Variants in ADAMTSL1 observed in about 807,000 individuals in gnomAD.
ADAMTSL1 encodes ADAMTS-like protein 1.
In ADAMTSL1, 126 loss-of-function variants were observed where a neutral mutation model predicts 201.8. The ratio of observed to expected loss-of-function variants is 0.62; its 90% confidence interval spans 0.54 to 0.72. ADAMTSL1 has a LOEUF of 0.72. ADAMTSL1 is among the 30% of genes least tolerant of loss of function. ADAMTSL1 has a pLI of 0.00. For missense variants in ADAMTSL1, 2,679 were observed against 2,277.8 expected, an observed-to-expected ratio of 1.18 and a Z score of -3.59; for synonymous variants, 1,121 against 903.4, an observed-to-expected ratio of 1.24 and a Z score of -4.32.
At chr9:18,154,901 A>G (rs1182159419) in intron 1 of ADAMTSL1, among the ~76,000 whole-genome samples, 2 of 152,196 alleles carry the variant, frequency 1.3e-5, no homozygotes, top group Non-Finnish European at 2.9e-5. Context: ...AGTTACATAT[A>G]CAATTTAAAT....
intron 13 of ADAMTSL1, among the ~76,000 whole-genome samples, chr9:18,692,758 G>A (rs566126780): frequency 2.7e-4 from 41 of 152,324 alleles, no homozygotes; most frequent in African/African-American, 9.6e-4. Flanking sequence ...CAGGGAAAAT[G>A]TTATGCATTT....
At chr9:18,361,221 A>AT (rs1214951287) in intron 2 of ADAMTSL1, among the ~76,000 whole-genome samples, 12 of 152,172 alleles carry the variant, frequency 7.9e-5, no homozygotes, top group Non-Finnish European at 1.2e-4. Context: ...CAATAAGTGT[A>AT]TTTTTCGATT....
Position 18,777,854 on chromosome 9 carries a change from A to T in ADAMTSL1, c.3625A>T (p.Arg1209Trp). 1 of 1,587,640 alleles carries T rather than the reference A, an allele frequency of 6.3e-7. No homozygotes were observed. The highest frequency in any genetic ancestry group is 1.7e-5 in the Admixed American group (1 of 58,020). Reference protein sequence around the residue: ...LLHCEAIGHPRPTISWARNGE... With the variant: ...LLHCEAIGHPWPTISWARNGE... ...GCACTGTGAGGCCATCGGCCACCCA[A>T]GGCCTACCATCAGCTGGGCCAGGAA... Residue 1209 changes from arginine to tryptophan, a missense_variant, in exon 19 of 29, where the codon AGG (arginine) becomes TGG (tryptophan). Arg to Trp is a moderately radical substitution (Grantham distance 101). Transcript: ENST00000380548.
chr9:17,999,850 C>T (rs1474341646), intron 1 of ADAMTSL1, among the ~76,000 whole-genome samples: 6 of 149,462 alleles, frequency 4.0e-5, no homozygotes, highest in Admixed American at 6.7e-5. Flanking sequence ...TGAGAATATG[C>T]GGTGTTTGGT....
intron 1 of ADAMTSL1, among the ~76,000 whole-genome samples, chr9:17,940,320 G>A (rs1433872687): frequency 6.6e-6 from 1 of 152,098 alleles, no homozygotes; most frequent in African/African-American, 2.4e-5. Context: ...AAAGATCCAG[G>A]AGAGAGATAA....
At chr9:18,262,007 A>G (rs926300476) in intron 2 of ADAMTSL1, among the ~76,000 whole-genome samples, 1 of 152,182 alleles carries the variant, frequency 6.6e-6, no homozygotes, top group Admixed American at 6.5e-5. Flanking sequence ...AAAACATGCA[A>G]TTACAATATG....
At chr9:18,341,821 G>C (rs1456728337) in intron 2 of ADAMTSL1, among the ~76,000 whole-genome samples, 1 of 152,020 alleles carries the variant, frequency 6.6e-6, no homozygotes, top group East Asian at 1.9e-4. Flanking sequence ...CATAAAATAA[G>C]ATATGCCAGA....
chr9:18,502,014 G>A (rs1268896177), intron 1 of ADAMTSL1, among the ~76,000 whole-genome samples: 1 of 152,126 alleles, frequency 6.6e-6, no homozygotes, highest in Non-Finnish European at 1.5e-5. Flanking sequence ...GAAACAATTT[G>A]TTTTTCTAGA....
At chr9:18,709,446 TTTA>T (rs1832424484) in intron 14 of ADAMTSL1, among the ~76,000 whole-genome samples, 1 of 152,174 alleles carries the variant, frequency 6.6e-6, no homozygotes, top group Non-Finnish European at 1.5e-5. Flanking sequence ...TCAGGCTAAT[TTTA>T]TTGTTTTTGT....
intron 1 of ADAMTSL1, among the ~76,000 whole-genome samples, chr9:17,938,552 C>T (rs1311151645): frequency 1.3e-5 from 2 of 152,148 alleles, no homozygotes; most frequent in Non-Finnish European, 2.9e-5. Context: ...ATTTGTTCCA[C>T]TAGCTGCAGG....
At chr9:18,204,607 A>G (rs868344323) in intron 2 of ADAMTSL1, among the ~76,000 whole-genome samples, 2 of 152,150 alleles carry the variant, frequency 1.3e-5, no homozygotes, top group Non-Finnish European at 1.5e-5. Flanking sequence ...ACAGGTTGGT[A>G]AGACCCCTAA....
At chr9:18,208,589 T>G (rs969088847) in intron 2 of ADAMTSL1, among the ~76,000 whole-genome samples, 5 of 152,146 alleles carry the variant, frequency 3.3e-5, no homozygotes, top group African/African-American at 1.2e-4. Context: ...ATTTTAGTCC[T>G]TATGACAATG....
chr9:18,254,412 G>GTACAGTGCACTGTACTCC (rs1831593707), intron 2 of ADAMTSL1, among the ~76,000 whole-genome samples: 1 of 119,026 alleles, frequency 8.4e-6, no homozygotes, highest in African/African-American at 3.3e-5. Flanking sequence ...CCCCAGGCTG[G>GTACAGTGCACTGTACTCC]AGTACAGTGG....
chr9:18,044,547 T>A (rs1250173280), intron 1 of ADAMTSL1, among the ~76,000 whole-genome samples: 1 of 152,094 alleles, frequency 6.6e-6, no homozygotes, highest in African/African-American at 2.4e-5. Flanking sequence ...GATGATTGGA[T>A]TGGCTTTTTA....
At chr9:18,590,360 G>A (rs1482313761) in intron 4 of ADAMTSL1, among the ~76,000 whole-genome samples, 1 of 151,844 alleles carries the variant, frequency 6.6e-6, no homozygotes, top group Non-Finnish European at 1.5e-5. Flanking sequence ...CACCTGTAAT[G>A]TTTCCTTTTT....
At chr9:18,301,673 A>G (rs1298548762) in intron 2 of ADAMTSL1, among the ~76,000 whole-genome samples, 1 of 152,186 alleles carries the variant, frequency 6.6e-6, no homozygotes, top group Non-Finnish European at 1.5e-5. Flanking sequence ...GGTAACTGAA[A>G]AGAAAAGTTA....
chr9:17,960,955 T>G (rs1179669859), intron 1 of ADAMTSL1, among the ~76,000 whole-genome samples: 1 of 152,214 alleles, frequency 6.6e-6, no homozygotes, highest in African/African-American at 2.4e-5. Context: ...TAGAATCTTT[T>G]GCTAAGATTA....
chr9:18,835,663 T>A (rs1825268191), intron 23 of ADAMTSL1, among the ~76,000 whole-genome samples: 1 of 152,128 alleles, frequency 6.6e-6, no homozygotes, highest in Non-Finnish European at 1.5e-5. Flanking sequence ...GTTCCTTTCC[T>A]CTCTCATTAG....
At position 18,358,040 on chromosome 9, in the gene ADAMTSL1, C is replaced by A. The variant is rs540358659; in HGVS notation, c.208-146789C>A. Reference sequence around the variant, plus strand: ...TGAATGAGAGCATTAGGCTTTGGACCAAATAGACCTAAATAGTTCAAATCC... The same window carrying A: ...TGAATGAGAGCATTAGGCTTTGGACAAAATAGACCTAAATAGTTCAAATCC... On this transcript the variant is annotated intron_variant, in intron 2 of 29. Transcript: ENST00000680146. Among the ~76,000 whole-genome samples the A allele has an allele frequency of 9.2e-5, 14 of 152,236 alleles. No homozygotes were observed. The South Asian group carries it at 2.3e-3, about 25-fold the overall frequency.
Sources: allele counts gnomAD v4.1 joint callset (sites outside exome capture counted in the v4.1 genomes callset), GRCh38; gene constraint gnomAD v4.1.1; transcripts MANE v1.5; gene names NCBI Gene and HGNC (gene_info 2026-07-23, HGNC 2026-07-21).